The following RBFOX1 variants were observed in gnomAD, a reference collection of about 807,000 sequenced individuals.
RBFOX1 encodes RNA binding fox-1 homolog 1.
In RBFOX1, 8 loss-of-function variants were observed where a neutral mutation model predicts 57.7. The observed-to-expected ratio is 0.14, with a 90% CI of 0.08 to 0.25. The LOEUF (loss-of-function observed/expected upper bound fraction) is 0.25. Ranked by LOEUF, RBFOX1 falls within the 10% of genes least tolerant of loss-of-function variation. RBFOX1 has a pLI of 1.00. For missense variants in RBFOX1, 611 were observed against 548.5 expected (o/e 1.11, Z -1.14); for synonymous variants, 326 against 222.4 (o/e 1.47, Z -4.15).
At chr16:5,970,330 C>G (rs531685412) in intron 4 of RBFOX1, among the ~76,000 whole-genome samples, 1 of 151,908 alleles carries the variant, frequency 6.6e-6, no homozygotes, top group Non-Finnish European at 1.5e-5. Flanking sequence ...GGCCATCATT[C>G]TTCCAGAATT....
chr16:7,324,450 C>T (rs1232732009), intron 4 of RBFOX1, among the ~76,000 whole-genome samples: 2 of 152,288 alleles, frequency 1.3e-5, no homozygotes, highest in East Asian at 1.9e-4. Flanking sequence ...CTCCCCCCTT[C>T]TGAGAGGCCT....
At chr16:7,491,804 T>C (rs564511222) in intron 4 of RBFOX1, among the ~76,000 whole-genome samples, 1 of 152,220 alleles carries the variant, frequency 6.6e-6, no homozygotes, top group Non-Finnish European at 1.5e-5. Context: ...CTAATTAATA[T>C]ATATATATTT....
At chr16:6,624,331 C>G (rs948570026) in intron 2 of RBFOX1, among the ~76,000 whole-genome samples, 8 of 152,086 alleles carry the variant, frequency 5.3e-5, no homozygotes, top group African/African-American at 1.9e-4. Flanking sequence ...AAAAAACTGT[C>G]CCTTGCCTAC....
intron 4 of RBFOX1, among the ~76,000 whole-genome samples, chr16:7,376,085 G>A (rs998183415): frequency 6.6e-6 from 1 of 152,144 alleles, no homozygotes; most frequent in Admixed American, 6.5e-5. Context: ...AAAAGGGAGT[G>A]TACATTTCTA....
At chr16:7,406,340 C>T (rs17143582) in intron 4 of RBFOX1, among the ~76,000 whole-genome samples, 1,543 of 152,250 alleles carry the variant, frequency 0.01, 24 homozygotes, top group African/African-American at 0.035. Flanking sequence ...TACTGCACTG[C>T]GTTATAGAAG....
chr16:6,469,573 C>G (rs1176819846), intron 2 of RBFOX1, among the ~76,000 whole-genome samples: 1 of 152,182 alleles, frequency 6.6e-6, no homozygotes, highest in Admixed American at 6.5e-5. Flanking sequence ...TCTCAGCACT[C>G]AAGAACAAAT....
chr16:5,984,017 T>G (rs2060230162), intron 4 of RBFOX1, among the ~76,000 whole-genome samples: 1 of 136,722 alleles, frequency 7.3e-6, no homozygotes, highest in Non-Finnish European at 1.6e-5. Flanking sequence ...TTCCTCCTTT[T>G]CTTCCTTCTT....
intron 4 of RBFOX1, among the ~76,000 whole-genome samples, chr16:7,468,255 T>C (rs937728791): frequency 3.9e-5 from 6 of 152,144 alleles, no homozygotes; most frequent in Non-Finnish European, 7.4e-5. Flanking sequence ...ACCTTTACCA[T>C]TGGGAACACC....
intron 1 of RBFOX1, among the ~76,000 whole-genome samples, chr16:6,083,483 G>A (rs1359350846): frequency 1.3e-5 from 2 of 151,612 alleles, no homozygotes; most frequent in Admixed American, 1.3e-4. Flanking sequence ...TTTGGTTTTG[G>A]TTTTGGTTTT....
chr16:7,321,298 C>T (rs1417847812), intron 4 of RBFOX1, among the ~76,000 whole-genome samples: 2 of 152,000 alleles, frequency 1.3e-5, no homozygotes, highest in African/African-American at 2.4e-5. Context: ...GTGTGTGCCA[C>T]CATACCCGGC....
At chr16:5,395,851 C>T (rs1309007611) in intron 1 of RBFOX1, among the ~76,000 whole-genome samples, 2 of 152,320 alleles carry the variant, frequency 1.3e-5, no homozygotes, top group East Asian at 3.9e-4. Flanking sequence ...CTGTGGGCAG[C>T]CTCTAGGGGC....
At chr16:7,344,604 C>A (rs975151053) in intron 4 of RBFOX1, among the ~76,000 whole-genome samples, 1 of 151,556 alleles carries the variant, frequency 6.6e-6, no homozygotes, top group Non-Finnish European at 1.5e-5. Context: ...ATTATTATTT[C>A]TACTCTTGCT....
At chr16:6,638,854 G>T (rs963063007) in intron 2 of RBFOX1, among the ~76,000 whole-genome samples, 1 of 152,174 alleles carries the variant, frequency 6.6e-6, no homozygotes, top group African/African-American at 2.4e-5. Context: ...AATAAAGGTT[G>T]CATTCCTGAA....
intron 1 of RBFOX1, among the ~76,000 whole-genome samples, chr16:6,292,787 G>A (rs1251369880): frequency 6.6e-6 from 1 of 152,196 alleles, no homozygotes; most frequent in Admixed American, 6.5e-5. Context: ...TGTAAAAAGA[G>A]TTGCCTGAAA....
chr16:7,508,082 G>T (rs931213446), intron 4 of RBFOX1, among the ~76,000 whole-genome samples: 2 of 152,004 alleles, frequency 1.3e-5, no homozygotes, highest in Non-Finnish European at 2.9e-5. Flanking sequence ...CACCTCCCGG[G>T]TTCAAGCGAT....
chr16:6,858,280 G>T (rs1313167445), intron 3 of RBFOX1, among the ~76,000 whole-genome samples: 3 of 152,126 alleles, frequency 2.0e-5, no homozygotes, highest in Non-Finnish European at 4.4e-5. Flanking sequence ...ATGTTTCAGA[G>T]GTCTTCCCTC....
At chr16:5,251,585 ACTAT>A (rs1567236262) in intron 1 of RBFOX1, among the ~76,000 whole-genome samples, 1 of 152,206 alleles carries the variant, frequency 6.6e-6, no homozygotes, top group African/African-American at 2.4e-5. Context: ...GACATAACAT[ACTAT>A]CTAATTACTT....
chr16:6,345,121 A>C (rs2085170618), intron 2 of RBFOX1, among the ~76,000 whole-genome samples: 1 of 152,264 alleles, frequency 6.6e-6, no homozygotes, highest in South Asian at 2.1e-4. Flanking sequence ...CCTGTTTGCC[A>C]CTTCCTTGTT....
At chr16:7,564,539 T>TC (rs1256760146) in intron 5 of RBFOX1, among the ~76,000 whole-genome samples, 1 of 13,388 alleles carries the variant, frequency 7.5e-5, no homozygotes, top group African/African-American at 4.9e-4. Context: ...AGACTCCATC[T>TC]CAAAAAAAAA....
Sources: allele counts gnomAD v4.1 joint callset (sites outside exome capture counted in the v4.1 genomes callset), GRCh38; gene constraint gnomAD v4.1.1; transcripts MANE v1.5; gene names NCBI Gene and HGNC (gene_info 2026-07-23, HGNC 2026-07-21).